Variants in SBF2 observed in about 807,000 individuals in gnomAD.
The protein encoded by SBF2 is SET binding factor 2, also known as myotubularin-related protein 13.
SBF2 carries 112 observed loss-of-function variants against 225.2 expected under a neutral mutation model. That is an observed-to-expected ratio of 0.50 (90% CI 0.43 to 0.58). The LOEUF is 0.58. Ranked by LOEUF, SBF2 falls within the 20% of genes least tolerant of loss-of-function variation. SBF2 has a pLI of 0.00. For synonymous variants in SBF2, 763 were observed against 773.3 expected (o/e 0.99, Z 0.22); for missense variants, 1,996 against 2,206.2 (o/e 0.90, Z 1.91).
intron 16 of SBF2, among the ~76,000 whole-genome samples, chr11:9,931,052 G>C (rs1864461073): frequency 6.6e-6 from 1 of 152,260 alleles, no homozygotes; most frequent in Non-Finnish European, 1.5e-5. Context: ...GGCTGGGGGA[G>C]GGGCATCTGC....
intron 2 of SBF2, among the ~76,000 whole-genome samples, chr11:10,099,409 A>C (rs1001141176): frequency 1.3e-5 from 2 of 152,180 alleles, no homozygotes; most frequent in African/African-American, 4.8e-5. Flanking sequence ...TCCCAAACAA[A>C]AGCTAAGGGA....
intron 6 of SBF2, among the ~76,000 whole-genome samples, chr11:10,005,989 T>C (rs74594145): frequency 0.018 from 2,769 of 152,178 alleles, 39 homozygotes; most frequent in Non-Finnish European, 0.03. Context: ...ACACAATGGC[T>C]CTCCTAGACA....
chr11:10,285,881 A>G (rs1167310409), intron 1 of SBF2, among the ~76,000 whole-genome samples: 3 of 152,240 alleles, frequency 2.0e-5, no homozygotes, highest in African/African-American at 7.2e-5. Context: ...AAGAGCACAA[A>G]TTTGATCAGA....
chr11:9,893,762 A>C (rs774526458), intron 17 of SBF2, among the ~76,000 whole-genome samples: 2 of 152,142 alleles, frequency 1.3e-5, no homozygotes, highest in Non-Finnish European at 2.9e-5. Flanking sequence ...AGTGGCCACA[A>C]CACCTCTCCA....
At chr11:10,046,344 C>T (rs1949859951) in intron 2 of SBF2, among the ~76,000 whole-genome samples, 1 of 152,100 alleles carries the variant, frequency 6.6e-6, no homozygotes, top group African/African-American at 2.4e-5. Flanking sequence ...AAATTATTGA[C>T]CAATATTGCT....
intron 6 of SBF2, among the ~76,000 whole-genome samples, chr11:10,026,070 G>A (rs1372284260): frequency 2.0e-5 from 3 of 151,536 alleles, no homozygotes; most frequent in African/African-American, 4.9e-5. Context: ...ATTGTATTGG[G>A]GGTAAAAATG....
At chr11:9,987,219 T>C (rs185790149) in intron 13 of SBF2, among the ~76,000 whole-genome samples, 228 of 152,266 alleles carry the variant, frequency 1.5e-3, no homozygotes, top group African/African-American at 5.2e-3. Context: ...GGACAAAATT[T>C]AGCATCCCTT....
intron 2 of SBF2, among the ~76,000 whole-genome samples, chr11:10,180,874 T>A (rs1462967105): frequency 2.6e-5 from 4 of 152,160 alleles, no homozygotes; most frequent in Non-Finnish European, 5.9e-5. Context: ...ATCTTTCACT[T>A]GGTTTTGAAT....
At chr11:10,020,600 G>T (rs575636271) in intron 6 of SBF2, among the ~76,000 whole-genome samples, 1 of 152,178 alleles carries the variant, frequency 6.6e-6, no homozygotes, top group South Asian at 2.1e-4. Flanking sequence ...ACTTGCCTTG[G>T]TCTCTCACTC....
chr11:10,144,892 C>A (rs1954817382), intron 2 of SBF2, among the ~76,000 whole-genome samples: 1 of 152,238 alleles, frequency 6.6e-6, no homozygotes, highest in South Asian at 2.1e-4. Flanking sequence ...AAGCGTCAAG[C>A]AACTTAACAT....
chr11:10,067,340 G>GT (rs958772332), intron 2 of SBF2, among the ~76,000 whole-genome samples: 1 of 152,146 alleles, frequency 6.6e-6, no homozygotes, highest in African/African-American at 2.4e-5. Context: ...CCCAGTCCAA[G>GT]TGTCACCAGG....
intron 21 of SBF2, among the ~76,000 whole-genome samples, chr11:9,851,526 T>C (rs989894155): frequency 6.6e-6 from 1 of 152,152 alleles, no homozygotes; most frequent in Admixed American, 6.5e-5. Flanking sequence ...TCAGTAACCA[T>C]ATAATACATT....
intron 16 of SBF2, chr11:9,929,073 G>A (rs906913902): frequency 5.0e-6 from 2 of 400,604 alleles, no homozygotes; most frequent in African/African-American, 4.1e-5. Context: ...GGAAGATGAG[G>A]AGTGTAGTGA....
intron 29 of SBF2, among the ~76,000 whole-genome samples, chr11:9,815,398 A>G (rs914477755): frequency 1.3e-5 from 2 of 150,936 alleles, no homozygotes; most frequent in Non-Finnish European, 3.0e-5. Context: ...GGTTGCAGTG[A>G]GCCGAGATCA....
intron 2 of SBF2, among the ~76,000 whole-genome samples, chr11:10,165,856 C>T (rs1955928007): frequency 6.6e-6 from 1 of 152,104 alleles, no homozygotes; most frequent in Non-Finnish European, 1.5e-5. Context: ...ACAAATTTAG[C>T]AAATAGGCTT....
At chr11:9,849,814 G>T (rs556660716) in intron 22 of SBF2, among the ~76,000 whole-genome samples, 1 of 152,282 alleles carries the variant, frequency 6.6e-6, no homozygotes, top group East Asian at 1.9e-4. Context: ...TTGATTTATT[G>T]TTTAGAAGAT....
chr11:10,178,523 A>C (rs1271065514), intron 2 of SBF2, among the ~76,000 whole-genome samples: 4 of 150,198 alleles, frequency 2.7e-5, no homozygotes, highest in Admixed American at 1.3e-4. Flanking sequence ...CCCATCAAAA[A>C]GTGGGCGAAG....
chr11:9,967,971 C>CTCTCTCTCTCTA (rs1260685462), intron 14 of SBF2, among the ~76,000 whole-genome samples: 25 of 91,490 alleles, frequency 2.7e-4, no homozygotes, highest in Admixed American at 7.6e-4. Context: ...CTCTCTCTCT[C>CTCTCTCTCTCTA]TATATATATA....
chr11:10,031,202 G>C (rs774081673), intron 3 of SBF2, 32 bp from the exon 4 acceptor site: 2 of 1,609,816 alleles, frequency 1.2e-6, no homozygotes, highest in Non-Finnish European at 1.7e-6. Flanking sequence ...TCAACAAACA[G>C]AAGGGATTTC....
Sources: allele counts gnomAD v4.1 joint callset (sites outside exome capture counted in the v4.1 genomes callset), GRCh38; gene constraint gnomAD v4.1.1; transcripts MANE v1.5; gene names NCBI Gene and HGNC (gene_info 2026-07-23, HGNC 2026-07-21).